Variants in GID8 observed in about 807,000 individuals in gnomAD.
The protein encoded by GID8 is GID complex subunit 8 homolog.
Under a neutral mutation model 27.4 loss-of-function variants are expected in GID8, and 6 were observed. That is an observed-to-expected ratio of 0.22 (90% confidence interval 0.12 to 0.43). The LOEUF is 0.43. Among genes scored for constraint, GID8 ranks in the 20% least tolerant of loss-of-function variants. GID8 has a pLI of 1.00. For missense variants in GID8, 173 were observed against 287.6 expected (o/e 0.60, Z 2.88); for synonymous variants, 112 against 109.0 (o/e 1.03, Z -0.17).
Position 62,945,428 on chromosome 20 carries a change from TGTGA to T in GID8, c.*518_*521del. 1.0e-6 allele frequency: 1 copy of T among 992,850 alleles called. No homozygotes were observed. Among genetic ancestry groups the T allele is most frequent in the Non-Finnish European group, 1.2e-6 (1 of 833,320 alleles). 61.5% of individuals were successfully genotyped at this position (992,850 alleles called of 1,614,324 possible). On this transcript the variant is annotated 3_prime_UTR_variant, in exon 5 of 5. Coordinates refer to ENST00000266069, the MANE Select transcript of GID8 (RefSeq NM_017896.3). ...AATCCTAATTCAAAGATGGCTCATG[TGTGA>T]GGGCATTGAGTTTGATTTGTTTTCC...
chr20:62,939,622 G>A (rs1013038671), intron 1 of GID8, among the ~76,000 whole-genome samples: 1 of 152,030 alleles, frequency 6.6e-6, no homozygotes, highest in East Asian at 1.9e-4. Flanking sequence ...TGAAACCTGT[G>A]ACCATCTTCT....
At chr20:62,941,658 G>A (rs762451904) in intron 2 of GID8, 38 bp downstream of exon 2, 1 of 1,127,726 alleles carries the variant, frequency 8.9e-7, no homozygotes, top group Non-Finnish European at 1.4e-6. Context: ...GCATGAATGT[G>A]ATTCTCCCTT....
intron 1 of GID8, 82 bp from the exon 2 acceptor site, chr20:62,941,409 G>A (rs913407075): frequency 6.5e-6 from 5 of 771,860 alleles, no homozygotes; most frequent in Admixed American, 3.8e-5. Flanking sequence ...GGGATTCTCC[G>A]GCTCACAGCT....
rs1399596996 is a variant in GID8, at chr20:62,948,372, G to T, written c.*3460G>T. On this transcript the variant is annotated 3_prime_UTR_variant, in exon 5 of 5. Coordinates refer to ENST00000266069, the MANE Select transcript of GID8 (RefSeq NM_017896.3). ...GTTTGATTCTGTATTCTTTATTCCA[G>T]TGTGGCATATGTGCCCCTCTGTATC... The T allele has an allele frequency of 6.6e-6, 1 of 152,118 alleles. No individual in the cohort carries two copies. The highest frequency in any genetic ancestry group is 2.4e-5 in the African/African-American group (1 of 41,416). The allele number at this position is 152,118 out of a possible 1,614,324, so 9.4% of individuals were successfully genotyped here. A position where few individuals can be genotyped will look rare whatever the true frequency, so the allele number is the denominator to read the frequency against.
rs1159192792 is a variant in GID8 at position 62,944,756 on chromosome 20, C to T, written c.531C>T (p.Asn177=). ...TATTCTAGGTGTGGAGTGAAGTTAA[C>T]CAAGCTGTGCTAGATTATGAAAATC... is the stretch of plus-strand genomic sequence containing the variant. The part of the protein sequence containing the change: ...MQRQKVWSEV[N]QAVLDYENRE... Residue 177 remains asparagine (N), a synonymous_variant, in exon 5 of 5, where the codon AAC becomes AAT. Transcript: ENST00000266069. 3 of 1,613,162 alleles carry T rather than the reference C, an allele frequency of 1.9e-6. No individual in the cohort carries two copies. The highest frequency in any genetic ancestry group is 2.2e-5 in the South Asian group (2 of 91,070).
chr20:62,942,496 A>T (rs1241638735), intron 2 of GID8, among the ~76,000 whole-genome samples: 13 of 152,154 alleles, frequency 8.5e-5, no homozygotes, highest in Non-Finnish European at 1.6e-4. Context: ...TAGGCCTATA[A>T]TTATGTCAGG....
intron 1 of GID8, among the ~76,000 whole-genome samples, chr20:62,939,537 C>T (rs2065429281): frequency 6.6e-6 from 1 of 152,090 alleles, no homozygotes; most frequent in Non-Finnish European, 1.5e-5. Flanking sequence ...TCAAACTTGC[C>T]CTGCTTCTCA....
Position 62,946,590 on chromosome 20 carries a change from G to A in GID8, c.*1678G>A, listed in dbSNP as rs186579917. The A allele has an allele frequency of 3.5e-3, 541 of 152,900 alleles. 1 individual carries two copies. Among genetic ancestry groups the A allele is most frequent in the Non-Finnish European group, 4.9e-3 (335 of 68,484 alleles). The allele number at this position is 152,900 out of a possible 1,614,324, so 9.5% of individuals were successfully genotyped here. A position where few individuals can be genotyped will look rare whatever the true frequency, so the allele number is the denominator to read the frequency against. ...GCTGCGGTTGTTACAGAAGCATGGC[G>A]GCCTCCAGACTGACCCATTGGTTGC... On this transcript the variant is annotated 3_prime_UTR_variant, in exon 5 of 5. Coordinates refer to ENST00000266069, the MANE Select transcript of GID8 (RefSeq NM_017896.3).
chr20:62,943,683 G>A lies in GID8; in HGVS notation c.504G>A (p.Gln168=), dbSNP rs1343759858. 6.2e-7 allele frequency: 1 copy of A among 1,612,730 alleles called. No individual in the cohort carries two copies. The highest frequency in any genetic ancestry group is 8.5e-7 in the Non-Finnish European group (1 of 1,179,326). The change falls in exon 4 of 5, where the codon CAG becomes CAA. Residue 168 remains glutamine (Q), a synonymous_variant. Coordinates refer to ENST00000266069, the MANE Select transcript of GID8 (RefSeq NM_017896.3). This position sits in a 1 kb window ranked among gnomAD's most constrained non-coding sequence, Gnocchi z 4.7. ...SPFGDLLHTM[Q]RQKVWSEVNQ... ...TCGGAGACCTCCTCCACACCATGCA[G>A]AGGCAGAAGGTGGGGCCTGCCAGAG...
intron 4 of GID8, among the ~76,000 whole-genome samples, chr20:62,944,383 G>C (rs1388916535): frequency 6.6e-6 from 1 of 152,064 alleles, no homozygotes; most frequent in Non-Finnish European, 1.5e-5. Context: ...CTCTCCCGGG[G>C]GCTCTGTCCT....
rs1299231391 is a variant in GID8 at position 62,941,640 on chromosome 20, A to G, written c.118+20A>G. ...TCACAGGTAATGGCTTACAGTGAGG[A>G]TGCTGTTGCATGAATGTGATTCTCC... On this transcript the variant is annotated intron_variant, in intron 2 of 4. Coordinates refer to ENST00000266069, the MANE Select transcript of GID8 (RefSeq NM_017896.3). The G allele has an allele frequency of 8.0e-7, 1 of 1,248,428 alleles. No homozygotes were observed. Among genetic ancestry groups the G allele is most frequent in the Non-Finnish European group, 1.2e-6 (1 of 845,694 alleles). 77.3% of individuals were successfully genotyped at this position (1,248,428 alleles called of 1,614,324 possible).
rs898640460 is a variant in GID8 at position 62,943,944 on chromosome 20, T to C, written c.513+252T>C. 6.6e-6 allele frequency among the ~76,000 whole-genome samples: 1 copy of C among 151,574 alleles called. No homozygotes were observed. The highest frequency in any genetic ancestry group is 2.4e-5 in the African/African-American group (1 of 41,298). On this transcript the variant is annotated intron_variant, in intron 4 of 4. Transcript: ENST00000266069. This position sits in a 1 kb window ranked among gnomAD's most constrained non-coding sequence, Gnocchi z 4.7. ...CCCGCCTCCTGTGTTCAAGCGATTC[T>C]CCTGCCTCTGCCTCCCAAGTAGCTG...
chr20:62,941,386 A>G, intron 1 of GID8, 105 bp from the exon 2 acceptor site: 1 of 682,906 alleles, frequency 1.5e-6, no homozygotes, highest in East Asian at 2.7e-5. Context: ...GTCTTTCCGT[A>G]CATGCTCAGT....
Position 62,946,022 on chromosome 20 carries a change from AG to A in GID8, c.*1111del. 7.8e-7 allele frequency: 1 copy of A among 1,289,082 alleles called. No homozygotes were observed. Among genetic ancestry groups the A allele is most frequent in the Non-Finnish European group, 1.0e-6 (1 of 988,542 alleles). 79.9% of individuals were successfully genotyped at this position (1,289,082 alleles called of 1,614,324 possible). A position where few individuals can be genotyped will look rare whatever the true frequency, so the allele number is the denominator to read the frequency against. On this transcript the variant is annotated 3_prime_UTR_variant, in exon 5 of 5. Transcript: ENST00000266069. ...TGCAGGGCTGCGTGCATTGCCTGCG[AG>A]TCGGGACAGTTGATGGGCACATGGC...
Position 62,945,145 on chromosome 20 carries a change from C to T in GID8, c.*233C>T. ...GATGCAGAGCCTGCACTCTGGCACT[C>T]GCTGAAGAATCTGGAAGGTTGCGGT... On this transcript the variant is annotated 3_prime_UTR_variant, in exon 5 of 5. Transcript: ENST00000266069. 3 of 1,312,314 alleles carry T rather than the reference C, an allele frequency of 2.3e-6. No individual in the cohort carries two copies. Among genetic ancestry groups the T allele is most frequent in the South Asian group, 2.0e-5 (1 of 50,216 alleles). 81.3% of individuals were successfully genotyped at this position (1,312,314 alleles called of 1,614,324 possible). A position where few individuals can be genotyped will look rare whatever the true frequency, so the allele number is the denominator to read the frequency against.
At chr20:62,941,438 G>A (rs1428632504) in intron 1 of GID8, 53 bp from the exon 2 acceptor site, 3 of 962,824 alleles carry the variant, frequency 3.1e-6, no homozygotes, top group Non-Finnish European at 5.1e-6. Context: ...GCTGCCCTCT[G>A]CCCTTGGAGG....
In GID8 at chr20:62,946,249, C is replaced by T. The variant is rs561907188; in HGVS notation, c.*1337C>T. On this transcript the variant is annotated 3_prime_UTR_variant, in exon 5 of 5. Transcript: ENST00000266069. The stretch of plus-strand genomic sequence containing the variant: ...CTGCTAGCACTTGAATCTGGGATCT[C>T]GCCTTATTCTCAAGTAGCAAGGCAT... 2 of 330,456 alleles carry T rather than the reference C, an allele frequency of 6.1e-6. No individual in the cohort carries two copies. Among genetic ancestry groups the T allele is most frequent in the East Asian group, 8.8e-5 (1 of 11,380 alleles). The allele number at this position is 330,456 out of a possible 1,614,324, so 20.5% of individuals were successfully genotyped here. A position where few individuals can be genotyped will look rare whatever the true frequency, so the allele number is the denominator to read the frequency against.
rs2147634178 is a variant in GID8, at chr20:62,945,305, C to T, written c.*393C>T. On this transcript the variant is annotated 3_prime_UTR_variant, in exon 5 of 5. Transcript: ENST00000266069. ...TGATTCTGCTTTCTGTTAGCTTAGG[C>T]AGACATTGGGCCTTCACCTACAAGT... is the stretch of plus-strand genomic sequence containing the variant. 2 of 1,002,450 alleles carry T rather than the reference C, an allele frequency of 2.0e-6. No homozygotes were observed. The highest frequency in any genetic ancestry group is 2.4e-6 in the Non-Finnish European group (2 of 840,326). The allele number at this position is 1,002,450 out of a possible 1,614,324, so 62.1% of individuals were successfully genotyped here.
chr20:62,943,239 TTGCA>T lies in GID8; in HGVS notation c.315+57_315+60del. The T allele has an allele frequency of 2.3e-6, 3 of 1,309,272 alleles. No homozygotes were observed. The highest frequency in any genetic ancestry group is 3.2e-6 in the Non-Finnish European group (3 of 926,890). The allele number at this position is 1,309,272 out of a possible 1,614,324, so 81.1% of individuals were successfully genotyped here. ...TGAATACTTGATAAGTTAAAGTTAT[TTGCA>T]ATGATTGAGAAATAACTAGGCTAAT... On this transcript the variant is annotated intron_variant, in intron 3 of 4. Coordinates refer to ENST00000266069, the MANE Select transcript of GID8 (RefSeq NM_017896.3). This position sits in a 1 kb window ranked among gnomAD's most constrained non-coding sequence, Gnocchi z 4.7.
Sources: gnomAD v4.1 joint callset for allele counts (sites outside exome capture counted in the v4.1 genomes callset) on GRCh38, gnomAD v4.1.1 for gene constraint, Gnocchi (gnomAD v3.1) non-coding constraint, MANE v1.5 for transcripts, NCBI Gene and HGNC (gene_info 2026-07-23, HGNC 2026-07-21) for gene names.